TNFAIP8: variants seen among roughly 807,000 people sequenced by gnomAD.
TNFAIP8 encodes tumor necrosis factor alpha-induced protein 8.
In TNFAIP8, 7 loss-of-function variants were observed where a neutral mutation model predicts 13.3. The observed-to-expected ratio is 0.52, with a 90% CI of 0.30 to 0.99. The LOEUF (loss-of-function observed/expected upper bound fraction) is 0.99. Ranked by LOEUF, TNFAIP8 falls within the 50% of genes least tolerant of loss-of-function variation. The pLI is 0.07. For synonymous variants in TNFAIP8, 94 were observed against 87.6 expected, an observed-to-expected ratio of 1.07 and a Z score of -0.41; for missense variants, 258 against 236.9, an observed-to-expected ratio of 1.09 and a Z score of -0.58.
intron 1 of TNFAIP8, among the ~76,000 whole-genome samples, chr5:119,387,163 A>G (rs999402310): frequency 1.3e-5 from 2 of 151,708 alleles, no homozygotes; most frequent in South Asian, 2.1e-4. Flanking sequence ...AGGGAGGTCA[A>G]CTCTTCGCCT....
At chr5:119,309,776 C>T (rs1275939765) in intron 1 of TNFAIP8, among the ~76,000 whole-genome samples, 1 of 152,136 alleles carries the variant, frequency 6.6e-6, no homozygotes, top group Non-Finnish European at 1.5e-5. Context: ...AGTCTGTGGG[C>T]CTCAGGTTGG....
intron 1 of TNFAIP8, among the ~76,000 whole-genome samples, chr5:119,358,099 C>CTTTT (rs5870854): frequency 7.1e-6 from 1 of 141,686 alleles, no homozygotes; most frequent in African/African-American, 2.6e-5. Flanking sequence ...TTATACGTAG[C>CTTTT]TTTTTTTTTT....
intron 1 of TNFAIP8, chr5:119,333,548 G>A: frequency 6.5e-7 from 1 of 1,534,914 alleles, no homozygotes; most frequent in Non-Finnish European, 8.7e-7. Context: ...GTGGTTGCAT[G>A]CATTCCTCAA....
chr5:119,335,075 C>T (rs1321976227), intron 1 of TNFAIP8, among the ~76,000 whole-genome samples: 1 of 152,072 alleles, frequency 6.6e-6, no homozygotes, highest in South Asian at 2.1e-4. Flanking sequence ...AGCTGAGAAC[C>T]GTAGTGGCAG....
At chr5:119,335,669 A>G (rs1750528807) in intron 1 of TNFAIP8, among the ~76,000 whole-genome samples, 1 of 151,998 alleles carries the variant, frequency 6.6e-6, no homozygotes, top group Admixed American at 6.6e-5. Context: ...CTATTCAGCA[A>G]ATACTTCTTG....
At chr5:119,362,948 G>A (rs1370318473) in intron 1 of TNFAIP8, among the ~76,000 whole-genome samples, 1 of 152,222 alleles carries the variant, frequency 6.6e-6, no homozygotes, top group South Asian at 2.1e-4. Flanking sequence ...CCAAGAAAGT[G>A]TGAGAGTAGC....
At chr5:119,306,986 TG>T (rs1431760405) in intron 1 of TNFAIP8, among the ~76,000 whole-genome samples, 3 of 152,268 alleles carry the variant, frequency 2.0e-5, no homozygotes, top group Non-Finnish European at 4.4e-5. Flanking sequence ...TACTGTTTTT[TG>T]TGGACTCTTA....
chr5:119,268,986 G>A (rs1305235384), intron 1 of TNFAIP8: 8 of 636,762 alleles, frequency 1.3e-5, no homozygotes, highest in African/African-American at 1.9e-5. Flanking sequence ...GCTGCTCTCG[G>A]GGAGCGCCTC....
At chr5:119,373,274 C>G (rs1752155652) in intron 1 of TNFAIP8, among the ~76,000 whole-genome samples, 1 of 152,190 alleles carries the variant, frequency 6.6e-6, no homozygotes, top group African/African-American at 2.4e-5. Flanking sequence ...TAAAATTACT[C>G]TTACCCCAAA....
chr5:119,376,018 C>G (rs193022866), intron 1 of TNFAIP8, among the ~76,000 whole-genome samples: 6 of 152,134 alleles, frequency 3.9e-5, no homozygotes, highest in African/African-American at 1.2e-4. Flanking sequence ...TTTTGGATGC[C>G]TATCTTTAGT....
chr5:119,305,562 G>T (rs897712235), intron 1 of TNFAIP8, among the ~76,000 whole-genome samples: 2 of 152,134 alleles, frequency 1.3e-5, no homozygotes. Flanking sequence ...CCTTTGAATA[G>T]CCATTGCACT....
upstream of TNFAIP8, chr5:119,355,320 G>C (rs2112770097): frequency 7.1e-6 from 5 of 702,152 alleles, no homozygotes; most frequent in Non-Finnish European, 1.3e-5. Context: ...CCCGGGCTGT[G>C]CTTGGAGTAC....
At chr5:119,320,764 C>T (rs1433641499) in intron 1 of TNFAIP8, among the ~76,000 whole-genome samples, 2 of 151,946 alleles carry the variant, frequency 1.3e-5, no homozygotes, top group Non-Finnish European at 2.9e-5. Flanking sequence ...CATCACATCC[C>T]CTTTTTTTCT....
chr5:119,355,852 C>T (rs1442147395), upstream of TNFAIP8: 3 of 1,095,882 alleles, frequency 2.7e-6, no homozygotes, highest in African/African-American at 3.4e-5. Context: ...GGCCCGAGCG[C>T]GCGGCTCCGG....
chr5:119,298,575 A>G lies in TNFAIP8; in HGVS notation c.1+29668A>G, dbSNP rs1035147326. The stretch of plus-strand genomic sequence containing the variant: ...CATTTCAACTTTGGTGAATCTGACA[A>G]TTATGTGTCTTGGAGTTGCTCTTCT... On this transcript the variant is annotated intron_variant, in intron 1 of 1. Transcript: ENST00000274456. Among the ~76,000 whole-genome samples the G allele has an allele frequency of 2.5e-4, 38 of 151,680 alleles. No homozygotes were observed. The Middle Eastern group carries it at 0.014, about 54-fold the overall frequency.
At position 119,393,364 on chromosome 5, in the gene TNFAIP8, G is replaced by A; in HGVS notation, c.580G>A (p.Asp194Asn). 1 of 1,613,202 alleles carries A rather than the reference G, an allele frequency of 6.2e-7. No individual in the cohort carries two copies. The highest frequency in any genetic ancestry group is 1.1e-5 in the South Asian group (1 of 91,018). Residue 194 changes from aspartate (D) to asparagine (N), a missense_variant, in exon 2 of 2, where the codon GAT becomes AAT. Coordinates refer to ENST00000504771, the MANE Select transcript of TNFAIP8 (RefSeq NM_014350.4). ...KLCDGINKML[D>N]EENI ...ATGTGATGGTATCAACAAAATGTTG[G>A]ATGAAGAGAACATATGAGCACATGA...
At chr5:119,391,876 C>A (rs1345885028) in intron 1 of TNFAIP8, among the ~76,000 whole-genome samples, 1 of 151,808 alleles carries the variant, frequency 6.6e-6, no homozygotes, top group Non-Finnish European at 1.5e-5. Context: ...TTGACCAGCT[C>A]TAAGGTGGGA....
chr5:119,298,986 G>A lies in TNFAIP8; in HGVS notation c.1+30079G>A, dbSNP rs554783785. Among the ~76,000 whole-genome samples, 742 of 152,138 alleles carry A rather than the reference G, an allele frequency of 4.9e-3. 4 individuals are homozygous for A. The highest frequency in any genetic ancestry group is 6.6e-3 in the Non-Finnish European group (452 of 68,000). ...CTCCTTTAAGCACTTCTCTGTATTG[G>A]TTATTCTAGTTATACATTCTTCTAA... is the stretch of plus-strand genomic sequence containing the variant. On this transcript the variant is annotated intron_variant, in intron 1 of 1. Transcript: ENST00000274456.
At chr5:119,371,549 A>G (rs1436180422) in intron 1 of TNFAIP8, among the ~76,000 whole-genome samples, 1 of 152,032 alleles carries the variant, frequency 6.6e-6, no homozygotes, top group African/African-American at 2.4e-5. Context: ...TCAAGGGGAA[A>G]CTCTCCAGTT....
Sources: gnomAD v4.1 joint callset for allele counts (sites outside exome capture counted in the v4.1 genomes callset) on GRCh38, gnomAD v4.1.1 for gene constraint, MANE v1.5 for transcripts, NCBI Gene and HGNC (gene_info 2026-07-23, HGNC 2026-07-21) for gene names.